Variants in AKT2 observed in about 807,000 individuals in gnomAD.
AKT2 encodes the protein AKT serine/threonine kinase 2.
Under a neutral mutation model 58.6 loss-of-function variants are expected in AKT2, and 16 were observed. The observed-to-expected ratio is 0.27, with a 90% CI of 0.18 to 0.41. The LOEUF (loss-of-function observed/expected upper bound fraction) is 0.41. Ranked by LOEUF, AKT2 falls within the 10% of genes least tolerant of loss-of-function variation. The pLI is 1.00. For missense variants in AKT2, 438 were observed against 661.0 expected, an observed-to-expected ratio of 0.66 and a Z score of 3.70; for synonymous variants, 253 against 254.0, an observed-to-expected ratio of 1.00 and a Z score of 0.04.
chr19:40,282,771 C>T (rs1042116992), intron 1 of AKT2: 4 of 319,544 alleles, frequency 1.3e-5, no homozygotes, highest in Non-Finnish European at 2.5e-5. Context: ...ACTTCAATTT[C>T]GGACTCTGCA....
At chr19:40,250,396 A>G (rs1157116106) in intron 4 of AKT2, among the ~76,000 whole-genome samples, 2 of 152,050 alleles carry the variant, frequency 1.3e-5, no homozygotes, top group African/African-American at 4.8e-5. Context: ...CCAGCTACTC[A>G]GGAGGCTGAG....
At chr19:40,236,665 T>C (rs1020678645) in intron 9 of AKT2, 6 of 493,380 alleles carry the variant, frequency 1.2e-5, no homozygotes, top group Non-Finnish European at 2.2e-5. Context: ...ACTGTGGTTC[T>C]TATTTCGAAC....
chr19:40,248,385 C>G lies in AKT2; in HGVS notation c.288-5698G>C, dbSNP rs547530735. Among the ~76,000 whole-genome samples, 4 of 152,314 alleles carry G rather than the reference C, an allele frequency of 2.6e-5. No individual in the cohort carries two copies. The East Asian group carries it at 7.7e-4, about 29-fold the overall frequency. On this transcript the variant is annotated intron_variant, in intron 4 of 13. Transcript: ENST00000392038. Reference sequence around the variant, plus strand: ...CTGTGGATGCAGCAGGGGACAAGCCCATCATGGCTCCTGACCTCAAGGGGA... The same window carrying G: ...CTGTGGATGCAGCAGGGGACAAGCCGATCATGGCTCCTGACCTCAAGGGGA...
In AKT2 at chr19:40,230,400, G is replaced by A. The variant is rs748803642; in HGVS notation, c.*3472C>T. The A allele has an allele frequency of 2.2e-5, 5 of 222,864 alleles. No individual in the cohort carries two copies. The highest frequency in any genetic ancestry group is 3.6e-5 in the Non-Finnish European group (4 of 111,542). The allele number at this position is 222,864 out of a possible 1,614,324, so 13.8% of individuals were successfully genotyped here. A position where few individuals can be genotyped will look rare whatever the true frequency, so the allele number is the denominator to read the frequency against. On this transcript the variant is annotated 3_prime_UTR_variant, in exon 14 of 14. Coordinates refer to ENST00000392038, the MANE Select transcript of AKT2 (RefSeq NM_001626.6). Reference sequence around the variant, plus strand: ...AATTCCTGTTAACGGGGCAGCTGAAGCGGTTGAGGGGTCTACCCCATGGAA... The same window carrying A: ...AATTCCTGTTAACGGGGCAGCTGAAACGGTTGAGGGGTCTACCCCATGGAA...
rs1443127243 is a variant in AKT2, at chr19:40,231,703, G to A, written c.*2169C>T. 8.6e-6 allele frequency: 2 copies of A among 233,372 alleles called. No homozygotes were observed. Among genetic ancestry groups the A allele is most frequent in the South Asian group, 1.8e-4 (1 of 5,544 alleles). 14.5% of individuals were successfully genotyped at this position (233,372 alleles called of 1,614,324 possible). A position where few individuals can be genotyped will look rare whatever the true frequency, so the allele number is the denominator to read the frequency against. ...GGCCAGCGCCCGGCCATGCAGCCAC[G>A]TGACTCAAGCACGGGAAGTGCAGGG... is the stretch of plus-strand genomic sequence containing the variant. On this transcript the variant is annotated 3_prime_UTR_variant, in exon 14 of 14. Coordinates refer to ENST00000392038, the MANE Select transcript of AKT2 (RefSeq NM_001626.6).
rs749834713 is a variant in AKT2 at position 40,239,980 on chromosome 19, GCTCT to G, written c.639+61_639+64del. ...CTGTGCTTTGTACCAGAAGATTAGG[GCTCT>G]CTCTCTGAGCTCTGTCCAAAGGCTG... is the stretch of plus-strand genomic sequence containing the variant. On this transcript the variant is annotated intron_variant, in intron 7 of 13. Coordinates refer to ENST00000392038, the MANE Select transcript of AKT2 (RefSeq NM_001626.6). The G allele has an allele frequency of 3.7e-5, 57 of 1,556,064 alleles. 1 individual carries two copies. In the African/African-American group the frequency reaches 7.3e-4, roughly 20 times the overall value.
rs762706082 is a variant in AKT2 at position 40,265,303 on chromosome 19, C to G, written c.-36G>C. ...TGGTACGCTGTCACCTAGCTCGGGA[C>G]AGCTCAGGGCAGCAGGACATGCAGG... On this transcript the variant is annotated 5_prime_UTR_variant, in exon 2 of 14. Transcript: ENST00000392038. 5 of 1,606,710 alleles carry G rather than the reference C, an allele frequency of 3.1e-6. No homozygotes were observed. The Admixed American group carries it at 6.8e-5, about 22-fold the overall frequency.
Position 40,234,601 on chromosome 19 carries a change from G to A in AKT2, c.1366+444C>T. The A allele has an allele frequency of 2.3e-6, 1 of 434,238 alleles. No individual in the cohort carries two copies. The highest frequency in any genetic ancestry group is 4.1e-6 in the Non-Finnish European group (1 of 245,802). 26.9% of individuals were successfully genotyped at this position (434,238 alleles called of 1,614,324 possible). A position where few individuals can be genotyped will look rare whatever the true frequency, so the allele number is the denominator to read the frequency against. Reference sequence around the variant, plus strand: ...AGGCCAGGTCGGATATTTCCTCTGGGATTCCCCAGTCCCTGGCCTCCCACG... The same window carrying A: ...AGGCCAGGTCGGATATTTCCTCTGGAATTCCCCAGTCCCTGGCCTCCCACG... On this transcript the variant is annotated intron_variant, in intron 13 of 13. Transcript: ENST00000392038. The surrounding 1 kb of genome is among the most constrained non-coding windows in gnomAD (Gnocchi z 4.7).
At chr19:40,277,382 C>G (rs1234532092) in intron 1 of AKT2, among the ~76,000 whole-genome samples, 1 of 152,214 alleles carries the variant, frequency 6.6e-6, no homozygotes, top group Non-Finnish European at 1.5e-5. Flanking sequence ...GTTTGAGAAG[C>G]TGGGCTCTAG....
Position 40,246,088 on chromosome 19 carries a change from C to CAA in AKT2, c.288-3403_288-3402dup, listed in dbSNP as rs34293653. Among the ~76,000 whole-genome samples, 58 of 87,092 alleles carry CAA rather than the reference C, an allele frequency of 6.7e-4. No homozygotes were observed. In the South Asian group the frequency reaches 9.8e-3, roughly 15 times the overall value. The allele number at this position is 87,092 out of a possible 152,430, so 57.1% of individuals were successfully genotyped here. On this transcript the variant is annotated intron_variant, in intron 4 of 13. Coordinates refer to ENST00000392038, the MANE Select transcript of AKT2 (RefSeq NM_001626.6). ...ACCCTACACTAATATTCCTGTTTTT[C>CAA]AAAAAAAAAAAAAAAAAAAAGCAGG... is the stretch of plus-strand genomic sequence containing the variant.
chr19:40,236,256 C>A lies in AKT2; in HGVS notation c.960+1G>T. ...TTCCTACCCCCACCAACCCCAGACA[C>A]CTCAGGCGCCAGGTACTCCGGGGTC... is the stretch of plus-strand genomic sequence containing the variant. On this transcript the variant is annotated splice_donor_variant, in intron 10 of 13. Transcript: ENST00000392038. LOFTEE classifies it high-confidence loss of function. 1 of 1,613,832 alleles carries A rather than the reference C, an allele frequency of 6.2e-7. No individual in the cohort carries two copies. Among genetic ancestry groups the A allele is most frequent in the Non-Finnish European group, 8.5e-7 (1 of 1,180,028 alleles).
At chr19:40,240,525 C>A (rs1468131210) in intron 6 of AKT2, among the ~76,000 whole-genome samples, 1 of 152,224 alleles carries the variant, frequency 6.6e-6, no homozygotes, top group African/African-American at 2.4e-5. Context: ...CTCAGCACCG[C>A]CTGGGAACTG....
In AKT2 at chr19:40,238,058, T is replaced by C. The variant is rs1367814764; in HGVS notation, c.742A>G (p.Thr248Ala). The C allele has an allele frequency of 6.2e-7, 1 of 1,606,744 alleles. No individual in the cohort carries two copies. Among genetic ancestry groups the C allele is most frequent in the Admixed American group, 1.7e-5 (1 of 58,718 alleles). The change falls in exon 9 of 14, where the codon ACA becomes GCA. Residue 248 changes from threonine to alanine, a missense_variant. Physicochemically the swap from Thr to Ala is moderately conservative, Grantham distance 58 (BLOSUM62 0). This residue lies in a region of AKT2 where 244 missense variants were observed against 347.1 expected (regional missense o/e 0.70). Transcript: ENST00000392038. This position sits in a 1 kb window ranked among gnomAD's most constrained non-coding sequence, Gnocchi z 5.1. The part of the protein sequence containing the change: ...FFHLSRERVF[T>A]EERARFYGAE... ...CCATAAAACCGGGCCCGCTCCTCTG[T>C]GAAGACACGCTCCCGGGACAGGTGG...
intron 1 of AKT2, chr19:40,269,385 T>G (rs536221847): frequency 6.6e-6 from 1 of 152,254 alleles, no homozygotes; most frequent in African/African-American, 2.4e-5. Context: ...ATACATAATC[T>G]CATTAGTTAC....
In AKT2 at chr19:40,231,670, T is replaced by C. The variant is rs548280379; in HGVS notation, c.*2202A>G. 1.4e-4 allele frequency: 33 copies of C among 233,270 alleles called. No individual in the cohort carries two copies. In the East Asian group the frequency reaches 1.9e-3, roughly 13 times the overall value. 14.5% of individuals were successfully genotyped at this position (233,270 alleles called of 1,614,324 possible). A position where few individuals can be genotyped will look rare whatever the true frequency, so the allele number is the denominator to read the frequency against. ...CCCTGGTCCCTTGCTGGGGGAGGTG[T>C]TCCATCCGGCCAGCGCCCGGCCATG... is the stretch of plus-strand genomic sequence containing the variant. On this transcript the variant is annotated 3_prime_UTR_variant, in exon 14 of 14. Transcript: ENST00000392038.
intron 1 of AKT2, chr19:40,270,634 C>A (rs1330744047): frequency 1.3e-5 from 2 of 152,148 alleles, no homozygotes; most frequent in Non-Finnish European, 2.9e-5. Flanking sequence ...GTGGCAGCGA[C>A]CCCCTCAGGA....
At position 40,258,186 on chromosome 19, in the gene AKT2, G is replaced by A. The variant is rs1188841209; in HGVS notation, c.47-1132C>T. Among the ~76,000 whole-genome samples, 5 of 144,686 alleles carry A rather than the reference G, an allele frequency of 3.5e-5. No individual in the cohort carries two copies. In the East Asian group the frequency reaches 6.2e-4, roughly 18 times the overall value. The allele number at this position is 144,686 out of a possible 152,430, so 94.9% of individuals were successfully genotyped here. A position where few individuals can be genotyped will look rare whatever the true frequency, so the allele number is the denominator to read the frequency against. ...TTGAACCTGGGAGGCAGAGGTTGCC[G>A]TGAGCCGAGATCACACCATTGCACT... On this transcript the variant is annotated intron_variant, in intron 2 of 13. Transcript: ENST00000392038.
intron 4 of AKT2, among the ~76,000 whole-genome samples, chr19:40,253,151 A>G (rs2079504676): frequency 6.6e-6 from 1 of 152,158 alleles, no homozygotes; most frequent in Non-Finnish European, 1.5e-5. Flanking sequence ...CAAATGCTCA[A>G]TCGGCACAAG....
chr19:40,284,814 G>T (rs2145447435), intron 1 of AKT2: 1 of 177,176 alleles, frequency 5.6e-6, no homozygotes, highest in East Asian at 1.5e-4. Flanking sequence ...AAAAGGTACA[G>T]CCCTCTACAC....
Sources: allele counts gnomAD v4.1 joint callset (sites outside exome capture counted in the v4.1 genomes callset), GRCh38; gene constraint gnomAD v4.1.1; regional missense constraint gnomAD v4.1.1; non-coding constraint Gnocchi (gnomAD v3.1); transcripts MANE v1.5; gene names NCBI Gene and HGNC (gene_info 2026-07-23, HGNC 2026-07-21).